FHIT: variants seen among roughly 807,000 people sequenced by gnomAD.
FHIT encodes the protein fragile histidine triad diadenosine triphosphatase, also known as bis(5'-adenosyl)-triphosphatase.
Under a neutral mutation model 17.9 loss-of-function variants are expected in FHIT, and 19 were observed. The ratio of observed to expected loss-of-function variants is 1.06; its 90% CI spans 0.74 to 1.56. The LOEUF (loss-of-function observed/expected upper bound fraction) is 1.56, where lower values mean the gene tolerates loss of function less well. Among genes scored for constraint, FHIT ranks in the 40% most tolerant of loss-of-function variants. FHIT has a pLI of 0.00. For synonymous variants in FHIT, 81 were observed against 69.7 expected (o/e 1.16, Z -0.81); for missense variants, 248 against 189.2 (o/e 1.31, Z -1.82).
At chr3:59,904,769 G>A (rs1156285810) in intron 8 of FHIT, among the ~76,000 whole-genome samples, 1 of 152,218 alleles carries the variant, frequency 6.6e-6, no homozygotes, top group Non-Finnish European at 1.5e-5. Context: ...TAGCGAAGAG[G>A]GGATATGGAT....
At chr3:60,002,109 A>G (rs1699751874) in intron 7 of FHIT, among the ~76,000 whole-genome samples, 1 of 152,144 alleles carries the variant, frequency 6.6e-6, no homozygotes, top group Admixed American at 6.6e-5. Context: ...CAACCACCCT[A>G]GGCAGGGTCA....
intron 5 of FHIT, among the ~76,000 whole-genome samples, chr3:60,182,109 C>A (rs533030630): frequency 3.2e-4 from 48 of 152,288 alleles, no homozygotes; most frequent in South Asian, 1.2e-3. Context: ...TGCCATGGCA[C>A]TTGTAAACTG....
At chr3:60,727,770 G>A (rs968273649) in intron 4 of FHIT, among the ~76,000 whole-genome samples, 13 of 152,192 alleles carry the variant, frequency 8.5e-5, no homozygotes, top group African/African-American at 3.1e-4. Flanking sequence ...TTCGGAGGCC[G>A]AGGCGGGCGG....
At chr3:60,140,471 C>A (rs191001900) in intron 5 of FHIT, among the ~76,000 whole-genome samples, 1 of 151,504 alleles carries the variant, frequency 6.6e-6, no homozygotes, top group Non-Finnish European at 1.5e-5. Flanking sequence ...CTACTAGTGG[C>A]AAGATAGTAA....
chr3:60,989,767 T>C (rs2030017636), intron 3 of FHIT, among the ~76,000 whole-genome samples: 1 of 152,136 alleles, frequency 6.6e-6, no homozygotes, highest in Non-Finnish European at 1.5e-5. Flanking sequence ...ATTGCTACAG[T>C]GTTTAATAAG....
chr3:60,976,102 T>C (rs866990374), intron 3 of FHIT, among the ~76,000 whole-genome samples: 158 of 103,458 alleles, frequency 1.5e-3, no homozygotes, highest in African/African-American at 5.7e-3. Flanking sequence ...TTTTCTTTTT[T>C]TTTTTTTTTT....
chr3:61,173,641 A>C (rs1025417284), intron 2 of FHIT, among the ~76,000 whole-genome samples: 1 of 152,228 alleles, frequency 6.6e-6, no homozygotes, highest in Non-Finnish European at 1.5e-5. Flanking sequence ...AAAAAATACA[A>C]ATTTCCTACC....
chr3:59,988,436 TTAAA>T (rs1709084047), intron 7 of FHIT, among the ~76,000 whole-genome samples: 3 of 152,248 alleles, frequency 2.0e-5, no homozygotes, highest in African/African-American at 4.8e-5. Flanking sequence ...CATTTTCTTT[TTAAA>T]TAAATAGACT....
intron 5 of FHIT, among the ~76,000 whole-genome samples, chr3:60,268,279 G>A (rs78710198): frequency 0.09 from 13,734 of 152,260 alleles, 768 homozygotes; most frequent in Non-Finnish European, 0.13. Flanking sequence ...ATGATGTACT[G>A]TTGGGATAAT....
chr3:60,870,357 T>C (rs1011638327), intron 3 of FHIT, among the ~76,000 whole-genome samples: 1 of 152,062 alleles, frequency 6.6e-6, no homozygotes, highest in Admixed American at 6.6e-5. Context: ...TAGAAAAATA[T>C]ACAAAGAAAA....
intron 1 of FHIT, among the ~76,000 whole-genome samples, chr3:61,236,989 A>G (rs947748471): frequency 2.0e-5 from 3 of 152,210 alleles, no homozygotes; most frequent in Non-Finnish European, 2.9e-5. Flanking sequence ...TTAAAGATCA[A>G]TGGAGATGGA....
chr3:60,336,820 G>C (rs557019664), intron 5 of FHIT, among the ~76,000 whole-genome samples: 60 of 151,786 alleles, frequency 4.0e-4, no homozygotes, highest in African/African-American at 1.5e-3. Flanking sequence ...ATAGGGCAGA[G>C]GAAGGCATGT....
chr3:60,895,706 CTTTCTTTCTTTCTTTCTTTCTTTCTTTCT>C (rs1401308426), intron 3 of FHIT, among the ~76,000 whole-genome samples: 1 of 141,224 alleles, frequency 7.1e-6, no homozygotes, highest in Non-Finnish European at 1.6e-5. Flanking sequence ...TTCTTTCTTT[CTTTCTTTCTTTCTTTCTTTCTTTCTTTCT>C]TCTTTCTTTT....
intron 4 of FHIT, among the ~76,000 whole-genome samples, chr3:60,737,809 G>A (rs1270590192): frequency 6.6e-6 from 1 of 152,070 alleles, no homozygotes; most frequent in Non-Finnish European, 1.5e-5. Context: ...ACATCACAAT[G>A]GAATGTAAGT....
intron 5 of FHIT, among the ~76,000 whole-genome samples, chr3:60,338,538 T>A (rs1036397958): frequency 1.8e-4 from 27 of 152,326 alleles, no homozygotes; most frequent in African/African-American, 6.0e-4. Flanking sequence ...TATGTCAGAT[T>A]GTTTCTTATA....
chr3:60,165,892 T>C (rs1701150981), intron 5 of FHIT, among the ~76,000 whole-genome samples: 1 of 152,168 alleles, frequency 6.6e-6, no homozygotes. Flanking sequence ...GAAACATAAA[T>C]AGGATCGTGA....
chr3:60,419,365 C>T (rs1702387572), intron 5 of FHIT, among the ~76,000 whole-genome samples: 1 of 152,248 alleles, frequency 6.6e-6, no homozygotes, highest in Admixed American at 6.5e-5. Flanking sequence ...TGCTTGTTTC[C>T]TTAGTCATTA....
intron 5 of FHIT, among the ~76,000 whole-genome samples, chr3:60,022,071 TATTA>T (rs1292453241): frequency 9.2e-5 from 14 of 152,210 alleles, no homozygotes; most frequent in South Asian, 2.1e-4. Flanking sequence ...TAATAATGAT[TATTA>T]ATTATTAGTA....
chr3:60,631,220 A>T (rs1412219221), intron 4 of FHIT, among the ~76,000 whole-genome samples: 1 of 152,162 alleles, frequency 6.6e-6, no homozygotes, highest in African/African-American at 2.4e-5. Flanking sequence ...TAATTTGAGG[A>T]AGGATTTACA....
Sources: gnomAD v4.1 joint callset for allele counts (sites outside exome capture counted in the v4.1 genomes callset) on GRCh38, gnomAD v4.1.1 for gene constraint, MANE v1.5 for transcripts, NCBI Gene and HGNC (gene_info 2026-07-23, HGNC 2026-07-21) for gene names.